Variants in TRPM3 observed in about 807,000 individuals in gnomAD.
The protein encoded by TRPM3 is transient receptor potential cation channel subfamily M member 3.
TRPM3 carries 77 observed loss-of-function variants against 181.2 expected under a neutral mutation model. The ratio of observed to expected loss-of-function variants is 0.42; its 90% confidence interval spans 0.35 to 0.51. The LOEUF is 0.51. TRPM3 is among the 20% of genes least tolerant of loss of function. The pLI is 0.01. For synonymous variants in TRPM3, 745 were observed against 796.4 expected (o/e 0.94, Z 1.09); for missense variants, 1,759 against 2,196.7 (o/e 0.80, Z 3.98).
intron 15 of TRPM3, 74 bp from the exon 16 acceptor site, chr9:70,620,439 T>C: frequency 6.8e-7 from 1 of 1,480,966 alleles, no homozygotes; most frequent in Non-Finnish European, 9.2e-7. Context: ...CAGTTGTATA[T>C]CTTCTCCCAG....
chr9:70,620,824 G>T lies in TRPM3; in HGVS notation c.1839+420C>A, dbSNP rs79110702. 2.1e-3 allele frequency among the ~76,000 whole-genome samples: 312 copies of T among 151,996 alleles called. 2 individuals carry two copies. The highest frequency in any genetic ancestry group is 7.2e-3 in the African/African-American group (300 of 41,486). Reference sequence around the variant, plus strand: ...AATACCTATTAGATGCATTTCTGAAGTAGTTCTGGCCTTTAGACCTGTCAT... The same window carrying T: ...AATACCTATTAGATGCATTTCTGAATTAGTTCTGGCCTTTAGACCTGTCAT... On this transcript the variant is annotated intron_variant, in intron 15 of 25. Transcript: ENST00000677713.
intron 1 of TRPM3, among the ~76,000 whole-genome samples, chr9:71,001,975 C>T (rs1310954148): frequency 6.7e-6 from 1 of 150,072 alleles, no homozygotes; most frequent in Non-Finnish European, 1.5e-5. Context: ...GTCTTGTGTG[C>T]CCCCTTGTGG....
chr9:70,741,425 G>T (rs2074061884), intron 8 of TRPM3, among the ~76,000 whole-genome samples: 1 of 152,108 alleles, frequency 6.6e-6, no homozygotes, highest in Non-Finnish European at 1.5e-5. Flanking sequence ...ATTCCTTAAA[G>T]AACTAAAAGT....
chr9:70,598,220 C>T (rs572639083), intron 21 of TRPM3, among the ~76,000 whole-genome samples, 199 bp downstream of exon 21: 141 of 152,250 alleles, frequency 9.3e-4, no homozygotes, highest in African/African-American at 3.2e-3. Context: ...GAATGAGTGA[C>T]TGATGGATAA....
intron 1 of TRPM3, among the ~76,000 whole-genome samples, chr9:71,397,977 T>G (rs2093240710): frequency 6.6e-6 from 1 of 152,202 alleles, no homozygotes. Context: ...CCATGTACCC[T>G]CCTGGCAACT....
intron 1 of TRPM3, among the ~76,000 whole-genome samples, chr9:71,313,188 C>T (rs2088149945): frequency 6.6e-6 from 1 of 152,100 alleles, no homozygotes; most frequent in Non-Finnish European, 1.5e-5. Flanking sequence ...TCTGTATGTT[C>T]TGTTTAATTT....
chr9:70,902,782 C>T (rs1382390882), intron 1 of TRPM3, among the ~76,000 whole-genome samples: 2 of 152,224 alleles, frequency 1.3e-5, no homozygotes, highest in African/African-American at 4.8e-5. Context: ...GAATGAATAA[C>T]TTGTGACTCA....
intron 6 of TRPM3, among the ~76,000 whole-genome samples, chr9:70,787,763 CTTTTTTTTTTTTTT>C: frequency 1.5e-5 from 1 of 68,558 alleles, no homozygotes; most frequent in Admixed American, 1.8e-4. Flanking sequence ...TTTTTGGATT[CTTTTTTTTTTTTTT>C]TTTTTTTTTG....
chr9:70,888,362 G>GGTGTGTGTGTGTGT (rs71367235), intron 1 of TRPM3, among the ~76,000 whole-genome samples: 2 of 143,624 alleles, frequency 1.4e-5, no homozygotes, highest in African/African-American at 2.6e-5. Context: ...TTTATTTTGG[G>GGTGTGTGTGTGTGT]GTGTGTGTGT....
chr9:70,700,630 G>A (rs1418194888), intron 8 of TRPM3, among the ~76,000 whole-genome samples: 1 of 152,174 alleles, frequency 6.6e-6, no homozygotes, highest in Non-Finnish European at 1.5e-5. Flanking sequence ...AAAACTTATA[G>A]GCTGTCAACA....
intron 7 of TRPM3, among the ~76,000 whole-genome samples, chr9:70,780,706 T>C (rs560203740): frequency 6.6e-6 from 1 of 152,336 alleles, no homozygotes; most frequent in African/African-American, 2.4e-5. Flanking sequence ...CTTCATTTTA[T>C]CATGATGAAT....
At chr9:70,796,175 A>C (rs1394107783) in intron 6 of TRPM3, among the ~76,000 whole-genome samples, 1 of 152,176 alleles carries the variant, frequency 6.6e-6, no homozygotes, top group East Asian at 1.9e-4. Context: ...CAAATGTTCC[A>C]GGATCTAAGT....
At chr9:71,079,315 G>C (rs1378630190) in intron 1 of TRPM3, among the ~76,000 whole-genome samples, 1 of 152,216 alleles carries the variant, frequency 6.6e-6, no homozygotes, top group Non-Finnish European at 1.5e-5. Flanking sequence ...GCAGTTTAGA[G>C]TGAAGGAATG....
chr9:71,064,357 A>G (rs1565111836), intron 1 of TRPM3, among the ~76,000 whole-genome samples: 2 of 152,054 alleles, frequency 1.3e-5, no homozygotes, highest in African/African-American at 4.8e-5. Context: ...CATTACCAGT[A>G]AATCTAGACG....
At chr9:71,134,033 GTGTC>G (rs1565261512) in intron 1 of TRPM3, among the ~76,000 whole-genome samples, 2 of 151,482 alleles carry the variant, frequency 1.3e-5, no homozygotes, top group African/African-American at 4.9e-5. Context: ...GCGCGCGCGC[GTGTC>G]TGTGTTTGCA....
chr9:70,882,712 T>C (rs1022352308), intron 1 of TRPM3, among the ~76,000 whole-genome samples: 1 of 152,196 alleles, frequency 6.6e-6, no homozygotes, highest in African/African-American at 2.4e-5. Context: ...AAGTTATTTT[T>C]AGCTAGAGCA....
At chr9:71,413,511 A>G (rs761124234) in intron 1 of TRPM3, among the ~76,000 whole-genome samples, 1 of 152,080 alleles carries the variant, frequency 6.6e-6, no homozygotes, top group Non-Finnish European at 1.5e-5. Context: ...AACAAGTCTC[A>G]TAATACTGTA....
intron 1 of TRPM3, among the ~76,000 whole-genome samples, chr9:71,419,025 G>A (rs1487283178): frequency 1.3e-5 from 2 of 150,678 alleles, no homozygotes; most frequent in African/African-American, 2.4e-5. Flanking sequence ...AACTTCAAGA[G>A]GAACTGTGAA....
chr9:70,799,781 C>T (rs1445258116), intron 6 of TRPM3, among the ~76,000 whole-genome samples: 1 of 152,164 alleles, frequency 6.6e-6, no homozygotes, highest in Non-Finnish European at 1.5e-5. Flanking sequence ...CATCTTTCTT[C>T]TCTGGTGGGG....
Sources: allele counts gnomAD v4.1 joint callset (sites outside exome capture counted in the v4.1 genomes callset), GRCh38; gene constraint gnomAD v4.1.1; transcripts MANE v1.5; gene names NCBI Gene and HGNC (gene_info 2026-07-23, HGNC 2026-07-21).